DTNA: variants seen among roughly 807,000 people sequenced by gnomAD.
DTNA encodes dystrophin-related protein 3.
A neutral mutation model predicts 100.7 loss-of-function variants in DTNA; 43 were observed. The ratio of observed to expected loss-of-function variants is 0.43; its 90% CI spans 0.33 to 0.55. The LOEUF is 0.55. Among genes scored for constraint, DTNA ranks in the 20% least tolerant of loss-of-function variants. DTNA has a pLI of 0.04. For synonymous variants in DTNA, 349 were observed against 347.9 expected, an observed-to-expected ratio of 1.00 and a Z score of -0.04; for missense variants, 798 against 953.9, an observed-to-expected ratio of 0.84 and a Z score of 2.15.
At position 34,510,697 on chromosome 18, in the gene DTNA, G is replaced by T. The variant is rs73424154; in HGVS notation, c.-2+17183G>T. Among the ~76,000 whole-genome samples, 214 of 150,622 alleles carry T rather than the reference G, an allele frequency of 1.4e-3. 1 individual carries two copies. The highest frequency in any genetic ancestry group is 5.0e-3 in the African/African-American group (203 of 40,974). Reference sequence around the variant, plus strand: ...CACCTGCATCAGAATCATCTGGGGGGTTTGTTAAAAGTACAGGTATCTAAA... The same window carrying T: ...CACCTGCATCAGAATCATCTGGGGGTTTTGTTAAAAGTACAGGTATCTAAA... On this transcript the variant is annotated intron_variant, in intron 1 of 19. Coordinates refer to the DTNA transcript ENST00000283365.
chr18:34,730,598 T>C (rs2087869107), intron 1 of DTNA, among the ~76,000 whole-genome samples: 1 of 152,170 alleles, frequency 6.6e-6, no homozygotes, highest in African/African-American at 2.4e-5. Flanking sequence ...CCTCTCTGTG[T>C]CCATATGTCC....
chr18:34,815,504 T>C (rs1273252229), intron 6 of DTNA: 1 of 224,096 alleles, frequency 4.5e-6, no homozygotes, highest in Non-Finnish European at 8.9e-6. Context: ...AGGGAAGTTG[T>C]TCTATAAATT....
At chr18:34,836,205 G>T (rs1316372892) in intron 11 of DTNA, among the ~76,000 whole-genome samples, 1 of 152,128 alleles carries the variant, frequency 6.6e-6, no homozygotes, top group Non-Finnish European at 1.5e-5. Flanking sequence ...GTGGTATAAT[G>T]GTACATCAGA....
At chr18:34,569,904 C>A (rs1307007622) in intron 1 of DTNA, among the ~76,000 whole-genome samples, 1 of 151,932 alleles carries the variant, frequency 6.6e-6, no homozygotes, top group Non-Finnish European at 1.5e-5. Context: ...CACACACACA[C>A]ACACAAAATA....
chr18:34,820,997 C>G lies in DTNA; in HGVS notation c.1001+82C>G, dbSNP rs957468509. On this transcript the variant is annotated intron_variant, in intron 9 of 22. Transcript: ENST00000444659. ...GAGCCACACAAAAGCAATTTCCTATCAGTGGTCAGCAACCAAGATTTTTAA... is the reference window on the plus strand; with the variant it reads ...GAGCCACACAAAAGCAATTTCCTATGAGTGGTCAGCAACCAAGATTTTTAA... 4.4e-6 allele frequency: 7 copies of G among 1,585,962 alleles called. No individual in the cohort carries two copies. In the Admixed American group the frequency reaches 1.2e-4, roughly 27 times the overall value.
intron 6 of DTNA, among the ~76,000 whole-genome samples, chr18:34,813,009 G>A (rs2095516254): frequency 6.6e-6 from 1 of 152,082 alleles, no homozygotes. Context: ...TATGGCTCAA[G>A]CTACCCTGGG....
intron 1 of DTNA, among the ~76,000 whole-genome samples, chr18:34,637,229 T>C (rs528854333): frequency 6.7e-4 from 102 of 152,310 alleles, no homozygotes; most frequent in African/African-American, 2.4e-3. Context: ...ATATAATTTG[T>C]TTCAGGGCCA....
chr18:34,523,253 C>G (rs1160141923), intron 1 of DTNA, among the ~76,000 whole-genome samples: 3 of 152,146 alleles, frequency 2.0e-5, no homozygotes, highest in Non-Finnish European at 4.4e-5. Flanking sequence ...AACTATTCTT[C>G]TCTTTTCAAT....
intron 17 of DTNA, among the ~76,000 whole-genome samples, chr18:34,872,734 A>G (rs1237280181): frequency 1.3e-5 from 2 of 152,216 alleles, no homozygotes; most frequent in East Asian, 3.9e-4. Context: ...AGTAGCAGGA[A>G]GCCCTAGGAC....
chr18:34,685,391 A>G (rs573438899), intron 1 of DTNA, among the ~76,000 whole-genome samples: 6 of 152,370 alleles, frequency 3.9e-5, no homozygotes, highest in African/African-American at 1.4e-4. Flanking sequence ...TTTATTAAAT[A>G]GGGAATGTTT....
intron 1 of DTNA, among the ~76,000 whole-genome samples, chr18:34,717,586 C>A (rs1456659517): frequency 3.3e-5 from 5 of 151,962 alleles, no homozygotes; most frequent in Admixed American, 2.0e-4. Flanking sequence ...TTTTAAAAAA[C>A]CTTATATTGA....
Position 34,755,761 on chromosome 18 carries a change from A to T in DTNA, c.-1-215A>T, listed in dbSNP as rs550260724. 127 of 526,932 alleles carry T rather than the reference A, an allele frequency of 2.4e-4. 2 individuals are homozygous for T. In the South Asian group the frequency reaches 2.6e-3, roughly 11 times the overall value. The allele number at this position is 526,932 out of a possible 1,614,324, so 32.6% of individuals were successfully genotyped here. On this transcript the variant is annotated intron_variant, in intron 1 of 22. Coordinates refer to ENST00000444659, the MANE Select transcript of DTNA (RefSeq NM_001386795.1). ...TTTTATGTTAGACAATAAAAATTTT[A>T]TCCCCCCTCCAACAACTACAACAAT... is the stretch of plus-strand genomic sequence containing the variant.
At chr18:34,747,824 T>C (rs2091844921) in intron 1 of DTNA, among the ~76,000 whole-genome samples, 1 of 152,120 alleles carries the variant, frequency 6.6e-6, no homozygotes, top group African/African-American at 2.4e-5. Context: ...TAATGACTTC[T>C]TTTCCTTTGG....
chr18:34,838,802 G>A lies in DTNA; in HGVS notation c.1311G>A (p.Gly437=). 6.2e-7 allele frequency: 1 copy of A among 1,613,760 alleles called. No individual in the cohort carries two copies. The highest frequency in any genetic ancestry group is 8.5e-7 in the Non-Finnish European group (1 of 1,179,772). The change falls in exon 13 of 23, where the codon GGG becomes GGA. Residue 437 remains glycine, a synonymous_variant. Coordinates refer to ENST00000444659, the MANE Select transcript of DTNA (RefSeq NM_001386795.1). ...DRLADEHVLI[G]LYVNMLRNNP... ...TAGCTGATGAACATGTTCTCATCGG[G>A]TTGTATGTCAACATGCTCCGGAACA...
chr18:34,615,206 CA>C (rs1297403158), intron 1 of DTNA, among the ~76,000 whole-genome samples: 6 of 152,102 alleles, frequency 3.9e-5, no homozygotes, highest in South Asian at 4.2e-4. Context: ...AAAGCAGAAG[CA>C]AGAGAAAGAG....
chr18:34,561,562 CAAT>C (rs1479321209), intron 1 of DTNA, among the ~76,000 whole-genome samples: 1 of 151,806 alleles, frequency 6.6e-6, no homozygotes, highest in Non-Finnish European at 1.5e-5. Flanking sequence ...AGCATTATTT[CAAT>C]AATAATGAAT....
At chr18:34,645,267 A>G (rs1267958665) in intron 1 of DTNA, among the ~76,000 whole-genome samples, 1 of 152,118 alleles carries the variant, frequency 6.6e-6, no homozygotes, top group East Asian at 1.9e-4. Context: ...AAAGGTGCTC[A>G]TTATCCTCAA....
At chr18:34,507,872 C>T (rs2040647413) in intron 1 of DTNA, among the ~76,000 whole-genome samples, 2 of 152,168 alleles carry the variant, frequency 1.3e-5, no homozygotes, top group Non-Finnish European at 2.9e-5. Context: ...TCCCTCCAAC[C>T]ATTGAAAAAT....
chr18:34,598,182 T>C (rs2051029230), intron 1 of DTNA, among the ~76,000 whole-genome samples: 1 of 152,046 alleles, frequency 6.6e-6, no homozygotes, highest in Non-Finnish European at 1.5e-5. Context: ...GTTGTCACTG[T>C]CTTGGGGAAA....
Sources: gnomAD v4.1 joint callset for allele counts (sites outside exome capture counted in the v4.1 genomes callset) on GRCh38, gnomAD v4.1.1 for gene constraint, MANE v1.5 for transcripts, NCBI Gene and HGNC (gene_info 2026-07-23, HGNC 2026-07-21) for gene names.